Variants in ABCB5 observed in about 807,000 individuals in gnomAD.
The protein encoded by ABCB5 is ATP-binding cassette sub-family B member 5.
In ABCB5, 155 loss-of-function variants were observed where a neutral mutation model predicts 144.2. The observed-to-expected ratio is 1.08, with a 90% CI of 0.94 to 1.23. ABCB5 has a LOEUF of 1.23. ABCB5 is among the 50% of genes most tolerant of loss of function. The probability of loss-of-function intolerance (pLI) is 0.00; values close to 1 mark genes in which losing one functional copy is unlikely to be tolerated. For synonymous variants in ABCB5, 610 were observed against 528.6 expected (o/e 1.15, Z -2.11); for missense variants, 1,830 against 1,520.8 (o/e 1.20, Z -3.38).
chr7:20,668,525 G>A (rs1391157133), intron 14 of ABCB5, among the ~76,000 whole-genome samples: 2 of 151,832 alleles, frequency 1.3e-5, no homozygotes, highest in Non-Finnish European at 2.9e-5. Context: ...CCTCCGTCCG[G>A]CAGCCACCCC....
At chr7:20,637,986 ATTC>A (rs1164799278) in intron 5 of ABCB5, among the ~76,000 whole-genome samples, 5 of 152,184 alleles carry the variant, frequency 3.3e-5, no homozygotes, top group African/African-American at 4.8e-5. Context: ...GGCTGCTGAA[ATTC>A]TTCTTCTCCA....
At position 20,753,387 on chromosome 7, in the gene ABCB5, G is replaced by A. The variant is rs760306108; in HGVS notation, c.3457G>A (p.Gly1153Arg). 8 of 1,613,648 alleles carry A rather than the reference G, an allele frequency of 5.0e-6. No homozygotes were observed. In the South Asian group the frequency reaches 7.7e-5, roughly 16 times the overall value. The change falls in exon 27 of 28, where the codon GGA becomes AGA. Residue 1153 changes from glycine to arginine, a missense_variant. Transcript: ENST00000404938. ...ATACAACACACAAGTTGGACTGAAA[G>A]GAGCACAGCTTTCTGGCGGCCAGAA... Reference protein sequence around the residue: ...EKYNTQVGLKGAQLSGGQKQR... With the variant: ...EKYNTQVGLKRAQLSGGQKQR...
At chr7:20,722,840 A>G (rs1781916230) in intron 20 of ABCB5, among the ~76,000 whole-genome samples, 176 bp from the exon 21 acceptor site, 1 of 152,256 alleles carries the variant, frequency 6.6e-6, no homozygotes, top group East Asian at 1.9e-4. Flanking sequence ...AAATAAAATA[A>G]GTAAATAAAT....
At chr7:20,650,589 C>A (rs529609500) in intron 12 of ABCB5, among the ~76,000 whole-genome samples, 1 of 148,990 alleles carries the variant, frequency 6.7e-6, no homozygotes, top group Admixed American at 6.7e-5. Context: ...TTTCTTGGAG[C>A]TTACAGTGTT....
rs5882753 is a variant in ABCB5, at chr7:20,700,151, ATT to A, written c.2337+25_2337+26del. The A allele has an allele frequency of 1.5e-4, 215 of 1,480,892 alleles. 1 individual carries two copies. The highest frequency in any genetic ancestry group is 4.4e-4 in the Middle Eastern group (2 of 4,538). The allele number at this position is 1,480,892 out of a possible 1,614,324, so 91.7% of individuals were successfully genotyped here. A position where few individuals can be genotyped will look rare whatever the true frequency, so the allele number is the denominator to read the frequency against. ...GTTATATCAGGTCAGTGATAAGTTG[ATT>A]TTTTTTTTATTTTATTTAAAATTTA... On this transcript the variant is annotated intron_variant, in intron 19 of 27. Transcript: ENST00000404938.
intron 1 of ABCB5, among the ~76,000 whole-genome samples, chr7:20,617,810 T>A (rs1246009870): frequency 6.6e-6 from 1 of 152,206 alleles, no homozygotes; most frequent in Non-Finnish European, 1.5e-5. Flanking sequence ...AGAGCTGGAA[T>A]GGTTATAGTA....
chr7:20,623,149 T>C, intron 1 of ABCB5, 116 bp from the exon 2 acceptor site: 1 of 675,930 alleles, frequency 1.5e-6, no homozygotes, highest in Non-Finnish European at 2.5e-6. Context: ...CAGGGCGAAA[T>C]TCTGAGATGC....
intron 4 of ABCB5, among the ~76,000 whole-genome samples, chr7:20,631,548 T>C (rs544465152): frequency 3.9e-5 from 6 of 152,306 alleles, no homozygotes; most frequent in Middle Eastern, 3.4e-3. Flanking sequence ...CTAGAAGATA[T>C]ATAGAAAAGT....
At chr7:20,727,785 C>T (rs575692906) in intron 22 of ABCB5, among the ~76,000 whole-genome samples, 48 of 152,268 alleles carry the variant, frequency 3.2e-4, no homozygotes, top group African/African-American at 1.1e-3. Context: ...ATTTTAAATA[C>T]GAATATATAC....
chr7:20,722,848 A>G (rs1387474987), intron 20 of ABCB5, among the ~76,000 whole-genome samples, 168 bp from the exon 21 acceptor site: 4 of 152,150 alleles, frequency 2.6e-5, no homozygotes, highest in Admixed American at 2.0e-4. Context: ...TAAGTAAATA[A>G]ATAAAAATAT....
At chr7:20,640,347 A>G (rs1784268566) in intron 5 of ABCB5, among the ~76,000 whole-genome samples, 1 of 152,138 alleles carries the variant, frequency 6.6e-6, no homozygotes, top group South Asian at 2.1e-4. Context: ...ACCTCACTTT[A>G]TGTGTGCTTT....
Position 20,685,830 on chromosome 7 carries a change from TA to T in ABCB5, c.2007del (p.Glu670ArgfsTer2). 1 of 1,604,988 alleles carries T rather than the reference TA, an allele frequency of 6.2e-7. No homozygotes were observed. Among genetic ancestry groups the T allele is most frequent in the Non-Finnish European group, 8.5e-7 (1 of 1,177,082 alleles). On this transcript the variant is annotated frameshift_variant, in exon 16 of 28. Coordinates refer to ENST00000404938, the MANE Select transcript of ABCB5 (RefSeq NM_001163941.2). LOFTEE classifies it high-confidence loss of function. ...IDKAEESTQS[K>X]EISLPEVSLL... ...ACAAGGCTGAGGAATCCACCCAATCTAAAGAGGTAATGGCTCAGCGATCAAC... is the reference window on the plus strand; with the variant it reads ...ACAAGGCTGAGGAATCCACCCAATCTAAGAGGTAATGGCTCAGCGATCAAC...
At chr7:20,637,842 G>C (rs1264665376) in intron 5 of ABCB5, among the ~76,000 whole-genome samples, 3 of 152,184 alleles carry the variant, frequency 2.0e-5, no homozygotes, top group Non-Finnish European at 4.4e-5. Flanking sequence ...CTCCGTGTTA[G>C]ATTAGCATAT....
intron 13 of ABCB5, among the ~76,000 whole-genome samples, chr7:20,652,502 G>T (rs1215527879): frequency 6.6e-6 from 1 of 152,186 alleles, no homozygotes; most frequent in African/African-American, 2.4e-5. Flanking sequence ...CCTGGGAGGT[G>T]GAGATTGCAG....
At chr7:20,627,967 G>C (rs577147579) in intron 3 of ABCB5, among the ~76,000 whole-genome samples, 1 of 152,214 alleles carries the variant, frequency 6.6e-6, no homozygotes, top group Admixed American at 6.5e-5. Context: ...GACCTGACTT[G>C]TGTCAGGTAT....
chr7:20,723,323 T>C (rs573264191), intron 21 of ABCB5, 104 bp downstream of exon 21: 2 of 1,166,738 alleles, frequency 1.7e-6, no homozygotes, highest in Middle Eastern at 2.0e-4. Context: ...TTATGATATA[T>C]TAACTTCATC....
chr7:20,738,273 G>T (rs1235236734), intron 23 of ABCB5, among the ~76,000 whole-genome samples: 1 of 152,122 alleles, frequency 6.6e-6, no homozygotes, highest in African/African-American at 2.4e-5. Flanking sequence ...GAAAATGAGA[G>T]GAAAATATTT....
At chr7:20,664,275 GGAAA>G (rs1785101047) in intron 14 of ABCB5, among the ~76,000 whole-genome samples, 1 of 152,020 alleles carries the variant, frequency 6.6e-6, no homozygotes, top group South Asian at 2.1e-4. Flanking sequence ...TGTCTTCTTG[GGAAA>G]GAAATTCAAA....
chr7:20,659,071 C>T, intron 14 of ABCB5: 1 of 1,613,908 alleles, frequency 6.2e-7, no homozygotes, highest in Non-Finnish European at 8.5e-7. Flanking sequence ...TTTAGGATAC[C>T]CCCAGGTATT....
Sources: gnomAD v4.1 joint callset for allele counts (sites outside exome capture counted in the v4.1 genomes callset) on GRCh38, gnomAD v4.1.1 for gene constraint, MANE v1.5 for transcripts, NCBI Gene and HGNC (gene_info 2026-07-23, HGNC 2026-07-21) for gene names.